Variants in MTUS2 observed in about 807,000 individuals in gnomAD.
MTUS2 encodes microtubule-associated tumor suppressor candidate 2.
MTUS2 carries 40 observed loss-of-function variants against 114.1 expected under a neutral mutation model. The observed-to-expected ratio is 0.35, with a 90% CI of 0.27 to 0.46. The LOEUF (loss-of-function observed/expected upper bound fraction) is 0.46. Among genes scored for constraint, MTUS2 ranks in the 20% least tolerant of loss-of-function variants. The pLI is 1.00. For synonymous variants in MTUS2, 688 were observed against 672.0 expected (o/e 1.02, Z -0.37); for missense variants, 1,679 against 1,705.4 (o/e 0.98, Z 0.27).
chr13:29,446,076 G>A (rs879440533), intron 9 of MTUS2, among the ~76,000 whole-genome samples: 6 of 152,038 alleles, frequency 3.9e-5, no homozygotes, highest in East Asian at 1.9e-4. Flanking sequence ...CTAAGTCATC[G>A]TTAGCATAAA....
chr13:29,478,270 C>T (rs1880856594), intron 9 of MTUS2, among the ~76,000 whole-genome samples: 1 of 152,184 alleles, frequency 6.6e-6, no homozygotes, highest in South Asian at 2.1e-4. Flanking sequence ...GAGCACTGGG[C>T]AGCACTATTG....
chr13:29,398,105 A>T (rs557863492), intron 8 of MTUS2, among the ~76,000 whole-genome samples: 1 of 152,210 alleles, frequency 6.6e-6, no homozygotes, highest in African/African-American at 2.4e-5. Flanking sequence ...TACTTGCTAT[A>T]CTTCTCTGTG....
intron 4 of MTUS2, among the ~76,000 whole-genome samples, chr13:29,050,775 C>T (rs1374720095): frequency 6.6e-6 from 1 of 152,226 alleles, no homozygotes; most frequent in Non-Finnish European, 1.5e-5. Flanking sequence ...ACTCTCAGCT[C>T]ATCTCATAGT....
intron 1 of MTUS2, among the ~76,000 whole-genome samples, chr13:28,820,936 A>C (rs1873854915): frequency 6.6e-6 from 1 of 152,108 alleles, no homozygotes; most frequent in African/African-American, 2.4e-5. Context: ...TCTTCGTCTT[A>C]ATTTAGTATG....
intron 6 of MTUS2, among the ~76,000 whole-genome samples, chr13:29,297,246 A>G (rs191520600): frequency 6.6e-6 from 1 of 152,304 alleles, no homozygotes; most frequent in Non-Finnish European, 1.5e-5. Context: ...TACATGTAAT[A>G]TTCTGTTGAC....
chr13:29,401,353 CAT>C (rs1291067004), intron 8 of MTUS2, among the ~76,000 whole-genome samples: 1 of 152,132 alleles, frequency 6.6e-6, no homozygotes, highest in African/African-American at 2.4e-5. Context: ...TGTCTTTTAA[CAT>C]ATATAAGATT....
At chr13:29,248,671 C>T (rs1897013666) in intron 5 of MTUS2, among the ~76,000 whole-genome samples, 1 of 152,150 alleles carries the variant, frequency 6.6e-6, no homozygotes, top group Admixed American at 6.5e-5. Flanking sequence ...TGTTCCCCGC[C>T]TTGTGTCCAT....
chr13:29,346,720 G>A (rs1868731728), intron 7 of MTUS2, among the ~76,000 whole-genome samples: 1 of 144,752 alleles, frequency 6.9e-6, no homozygotes, highest in Admixed American at 6.7e-5. Flanking sequence ...TCAAAGTTCA[G>A]CTGGAATTTT....
intron 4 of MTUS2, among the ~76,000 whole-genome samples, chr13:29,060,849 G>A (rs1888385187): frequency 7.0e-6 from 1 of 142,432 alleles, no homozygotes; most frequent in Admixed American, 7.3e-5. Context: ...TGCCCAGACT[G>A]GAGTGCAGTG....
At chr13:29,092,086 A>G (rs1889979348) in intron 4 of MTUS2, among the ~76,000 whole-genome samples, 1 of 152,254 alleles carries the variant, frequency 6.6e-6, no homozygotes, top group African/African-American at 2.4e-5. Flanking sequence ...AGCAGGAGGC[A>G]GTCAAATGCC....
chr13:29,300,095 T>G (rs1899130760), intron 6 of MTUS2, among the ~76,000 whole-genome samples: 1 of 152,230 alleles, frequency 6.6e-6, no homozygotes, highest in African/African-American at 2.4e-5. Flanking sequence ...TCCATTTATC[T>G]TTCTCTGCTA....
chr13:28,925,943 A>G (rs1881305430), intron 2 of MTUS2, among the ~76,000 whole-genome samples: 3 of 152,380 alleles, frequency 2.0e-5, no homozygotes, highest in Non-Finnish European at 2.9e-5. Context: ...TGGCATTGGT[A>G]TCTATCACCA....
At chr13:29,470,558 C>T (rs750338149) in intron 9 of MTUS2, among the ~76,000 whole-genome samples, 27 of 152,236 alleles carry the variant, frequency 1.8e-4, no homozygotes, top group Non-Finnish European at 2.9e-4. Context: ...CACTGATTGC[C>T]TCGCTTCCAT....
At chr13:29,206,251 T>A (rs145328535) in intron 5 of MTUS2, among the ~76,000 whole-genome samples, 1,623 of 152,302 alleles carry the variant, frequency 0.011, 16 homozygotes, top group Middle Eastern at 0.031. Context: ...CCACTCTTGA[T>A]GGGATTATTT....
At chr13:28,829,152 A>G (rs933996442) in intron 1 of MTUS2, among the ~76,000 whole-genome samples, 33 of 152,202 alleles carry the variant, frequency 2.2e-4, no homozygotes, top group African/African-American at 7.0e-4. Context: ...ACTGAATCTC[A>G]GTAAGAACAG....
At position 29,031,492 on chromosome 13, in the gene MTUS2, T is replaced by A. The variant is rs1179884685; in HGVS notation, c.2206-2393T>A. On this transcript the variant is annotated intron_variant, in intron 3 of 15. Transcript: ENST00000612955. ...TGTAGAGGCTGGCAAGTCAAAAATC[T>A]GCAGGGCAGGACAGCAGCCTGGAGA... is the stretch of plus-strand genomic sequence containing the variant. Among the ~76,000 whole-genome samples, 5 of 151,990 alleles carry A rather than the reference T, an allele frequency of 3.3e-5. No individual in the cohort carries two copies. In the South Asian group the frequency reaches 6.2e-4, roughly 19 times the overall value.
At chr13:29,198,807 G>T (rs1446933203) in intron 5 of MTUS2, among the ~76,000 whole-genome samples, 1 of 151,968 alleles carries the variant, frequency 6.6e-6, no homozygotes, top group African/African-American at 2.4e-5. Context: ...GTCTTCCTAG[G>T]TATTTTTTTC....
At chr13:28,970,191 A>G (rs1044405605) in intron 2 of MTUS2, among the ~76,000 whole-genome samples, 6 of 151,846 alleles carry the variant, frequency 4.0e-5, no homozygotes, top group African/African-American at 1.5e-4. Context: ...GATTTTTAAA[A>G]TAATTCCAGT....
At chr13:29,218,911 G>A (rs1368505521) in intron 5 of MTUS2, among the ~76,000 whole-genome samples, 2 of 151,352 alleles carry the variant, frequency 1.3e-5, no homozygotes, top group Non-Finnish European at 2.9e-5. Context: ...AAAGGTAAAT[G>A]AACATTGGCG....
Sources: gnomAD v4.1 joint callset for allele counts (sites outside exome capture counted in the v4.1 genomes callset) on GRCh38, gnomAD v4.1.1 for gene constraint, MANE v1.5 for transcripts, NCBI Gene and HGNC (gene_info 2026-07-23, HGNC 2026-07-21) for gene names.